The following BRAP variants were observed in gnomAD, a reference collection of about 807,000 sequenced individuals.
BRAP encodes the protein BRCA1-associated protein.
A neutral mutation model predicts 73.4 loss-of-function variants in BRAP; 42 were observed. The observed-to-expected ratio is 0.57, with a 90% CI of 0.45 to 0.74. The LOEUF is 0.74. Ranked by LOEUF, BRAP falls within the 30% of genes least tolerant of loss-of-function variation. The pLI is 0.00. For synonymous variants in BRAP, 255 were observed against 267.4 expected, an observed-to-expected ratio of 0.95 and a Z score of 0.45; for missense variants, 593 against 751.4, an observed-to-expected ratio of 0.79 and a Z score of 2.46.
chr12:111,665,725 G>T lies in BRAP; in HGVS notation c.810C>A (p.Arg270=). The change falls in exon 6 of 12, where the codon CGC becomes CGA. Residue 270 remains arginine, a synonymous_variant. Coordinates refer to ENST00000419234, the MANE Select transcript of BRAP (RefSeq NM_006768.5). The surrounding 1 kb of genome is among the most constrained non-coding windows in gnomAD (Gnocchi z 4.3). The part of the protein sequence containing the change: ...ELPKCTVCLE[R]MDESVNGILT... The stretch of plus-strand genomic sequence containing the variant: ...GGATGCCATTCACAGACTCGTCCAT[G>T]CGCTCCAGACACACCGTGCACTTGG... The T allele has an allele frequency of 6.2e-7, 1 of 1,614,252 alleles. No individual in the cohort carries two copies. The highest frequency in any genetic ancestry group is 8.5e-7 in the Non-Finnish European group (1 of 1,180,046).
At chr12:111,658,602 G>C in intron 9 of BRAP, 134 bp downstream of exon 9, 3 of 641,812 alleles carry the variant, frequency 4.7e-6, no homozygotes, top group Non-Finnish European at 5.1e-6. Flanking sequence ...GGGATTACAG[G>C]CATAAGCCAC....
At chr12:111,660,433 C>A (rs959171483) in intron 7 of BRAP, among the ~76,000 whole-genome samples, 167 bp downstream of exon 7, 3 of 151,680 alleles carry the variant, frequency 2.0e-5, no homozygotes, top group African/African-American at 4.8e-5. Context: ...AAGGACCGCT[C>A]GAGGCCAGGA....
In BRAP at chr12:111,644,166, G is replaced by T; in HGVS notation, c.*33C>A. 1 of 1,588,006 alleles carries T rather than the reference G, an allele frequency of 6.3e-7. No individual in the cohort carries two copies. Among genetic ancestry groups the T allele is most frequent in the Non-Finnish European group, 8.5e-7 (1 of 1,170,366 alleles). ...CAGCACACTCTCACAGTGTCAGGGA[G>T]AACAGTCTCAGGGATGTCTGTTGCT... On this transcript the variant is annotated 3_prime_UTR_variant, in exon 12 of 12. Coordinates refer to ENST00000419234, the MANE Select transcript of BRAP (RefSeq NM_006768.5).
chr12:111,679,133 A>G lies in BRAP; in HGVS notation c.633+18T>C, dbSNP rs775249714. 3 of 1,452,506 alleles carry G rather than the reference A, an allele frequency of 2.1e-6. No homozygotes were observed. 90.0% of individuals were successfully genotyped at this position (1,452,506 alleles called of 1,614,324 possible). Reference sequence around the variant, plus strand: ...TTTCTGTGGCAAAGAGATTTTTAATAAATTTAATAACTTTTACCTGTGCAC... The same window carrying G: ...TTTCTGTGGCAAAGAGATTTTTAATGAATTTAATAACTTTTACCTGTGCAC... On this transcript the variant is annotated intron_variant, in intron 4 of 11. Transcript: ENST00000419234.
intron 10 of BRAP, among the ~76,000 whole-genome samples, chr12:111,650,521 C>A (rs1395217787): frequency 6.6e-6 from 1 of 152,194 alleles, no homozygotes; most frequent in Non-Finnish European, 1.5e-5. Flanking sequence ...CTGCCTCGGC[C>A]TCCCAAAATG....
intron 10 of BRAP, 38 bp downstream of exon 10, chr12:111,655,526 ATG>A (rs1886496754): frequency 6.6e-7 from 1 of 1,519,986 alleles, no homozygotes; most frequent in Admixed American, 1.7e-5. Context: ...GTGCCCTGCC[ATG>A]TGTCATTTCC....
intron 9 of BRAP, 26 bp downstream of exon 9, chr12:111,658,708 TAG>T: frequency 7.1e-7 from 1 of 1,403,578 alleles, no homozygotes; most frequent in Non-Finnish European, 1.0e-6. Flanking sequence ...TAGAAACAGA[TAG>T]AGTGATAACT....
At chr12:111,681,185 A>G (rs1887585910) in intron 3 of BRAP, among the ~76,000 whole-genome samples, 1 of 152,152 alleles carries the variant, frequency 6.6e-6, no homozygotes, top group Non-Finnish European at 1.5e-5. Flanking sequence ...CCTGGCCAAC[A>G]GGGTGAAACC....
chr12:111,667,463 G>A (rs1446290189), intron 5 of BRAP, among the ~76,000 whole-genome samples: 2 of 151,954 alleles, frequency 1.3e-5, no homozygotes, highest in African/African-American at 4.8e-5. Flanking sequence ...CACTTTGGGA[G>A]GCCGAGGCGG....
At chr12:111,672,560 C>G in intron 5 of BRAP, 101 bp downstream of exon 5, 1 of 988,078 alleles carries the variant, frequency 1.0e-6, no homozygotes, top group South Asian at 1.6e-5. Flanking sequence ...CTTTCTGTGT[C>G]TATGGACTGG....
chr12:111,672,545 G>C, intron 5 of BRAP, 116 bp downstream of exon 5: 4 of 834,868 alleles, frequency 4.8e-6, no homozygotes, highest in Non-Finnish European at 7.3e-6. Flanking sequence ...ATAACCACCA[G>C]TCTACTTTCT....
chr12:111,673,833 G>A (rs555357748), intron 4 of BRAP, among the ~76,000 whole-genome samples: 4 of 152,324 alleles, frequency 2.6e-5, no homozygotes, highest in Admixed American at 2.6e-4. Flanking sequence ...AGGCAAAGCT[G>A]CAAAGGCACA....
chr12:111,671,535 G>T (rs901951873), intron 5 of BRAP, among the ~76,000 whole-genome samples: 2 of 151,520 alleles, frequency 1.3e-5, no homozygotes, highest in East Asian at 3.9e-4. Flanking sequence ...GGGCAACAGA[G>T]TGACACTCTG....
Position 111,643,888 on chromosome 12 carries a change from A to G in BRAP, c.*311T>C, listed in dbSNP as rs564088980. On this transcript the variant is annotated 3_prime_UTR_variant, in exon 12 of 12. Coordinates refer to ENST00000419234, the MANE Select transcript of BRAP (RefSeq NM_006768.5). ...CCAGAACTGAATGTCAAATACGCCAACTCCATAAATACAATGGAAAAATGC... is the reference window on the plus strand; with the variant it reads ...CCAGAACTGAATGTCAAATACGCCAGCTCCATAAATACAATGGAAAAATGC... The G allele has an allele frequency of 3.2e-6, 1 of 314,722 alleles. No individual in the cohort carries two copies. Among genetic ancestry groups the G allele is most frequent in the Admixed American group, 4.6e-5 (1 of 21,814 alleles). The allele number at this position is 314,722 out of a possible 1,614,324, so 19.5% of individuals were successfully genotyped here. A position where few individuals can be genotyped will look rare whatever the true frequency, so the allele number is the denominator to read the frequency against.
chr12:111,685,114 G>A (rs911977334), intron 1 of BRAP, among the ~76,000 whole-genome samples: 1 of 152,194 alleles, frequency 6.6e-6, no homozygotes, highest in African/African-American at 2.4e-5. Context: ...TAGAATCCCA[G>A]TTTCACCCAT....
chr12:111,658,996 G>A (rs905681428), intron 8 of BRAP, 151 bp from the exon 9 acceptor site: 3 of 783,830 alleles, frequency 3.8e-6, no homozygotes, highest in Non-Finnish European at 5.9e-6. Context: ...TTAGAGGGGA[G>A]GGAGAAAGCA....
At chr12:111,668,142 G>C (rs957355422) in intron 5 of BRAP, among the ~76,000 whole-genome samples, 12 of 152,204 alleles carry the variant, frequency 7.9e-5, no homozygotes, top group Admixed American at 3.3e-4. Context: ...GGGAGGCATA[G>C]GCTGCAGTGA....
chr12:111,664,892 G>T (rs1405993420), intron 6 of BRAP, among the ~76,000 whole-genome samples: 2 of 152,106 alleles, frequency 1.3e-5, no homozygotes, highest in African/African-American at 4.8e-5. Flanking sequence ...CTTCATTAGG[G>T]CCCCAGTTCT....
At chr12:111,664,270 G>T (rs1886854308) in intron 6 of BRAP, among the ~76,000 whole-genome samples, 1 of 152,094 alleles carries the variant, frequency 6.6e-6, no homozygotes, top group Non-Finnish European at 1.5e-5. Context: ...AGTTTGAGGA[G>T]GCAGTGAGCT....
Sources: gnomAD v4.1 joint callset for allele counts (sites outside exome capture counted in the v4.1 genomes callset) on GRCh38, gnomAD v4.1.1 for gene constraint, Gnocchi (gnomAD v3.1) non-coding constraint, MANE v1.5 for transcripts, NCBI Gene and HGNC (gene_info 2026-07-23, HGNC 2026-07-21) for gene names.